Variants in ESPN observed in about 807,000 individuals in gnomAD.
The protein encoded by ESPN is espin.
ESPN carries 68 observed loss-of-function variants against 77.7 expected under a neutral mutation model. The observed-to-expected ratio is 0.87, with a 90% CI of 0.72 to 1.07. The LOEUF is 1.07. Ranked by LOEUF, ESPN falls within the 50% of genes least tolerant of loss-of-function variation. The probability of loss-of-function intolerance (pLI) is 0.00; values close to 1 mark genes in which losing one functional copy is unlikely to be tolerated. For synonymous variants in ESPN, 449 were observed against 567.1 expected (o/e 0.79, Z 2.96); for missense variants, 1,060 against 1,239.0 (o/e 0.86, Z 2.17).
Position 6,447,091 on chromosome 1 carries a change from C to G in ESPN, c.1464+1156C>G, listed in dbSNP as rs1315456046. 6.5e-6 allele frequency: 1 copy of G among 152,700 alleles called. No homozygotes were observed. The highest frequency in any genetic ancestry group is 1.5e-5 in the Non-Finnish European group (1 of 68,360). The allele number at this position is 152,700 out of a possible 1,614,324, so 9.5% of individuals were successfully genotyped here. A position where few individuals can be genotyped will look rare whatever the true frequency, so the allele number is the denominator to read the frequency against. On this transcript the variant is annotated intron_variant, in intron 7 of 12. Transcript: ENST00000645284. The surrounding 1 kb of genome is among the most constrained non-coding windows in gnomAD (Gnocchi z 5.2). ...GGCCCAGCCAGTGCCCCGTCTCCAC[C>G]GTTGAGCCCAAGTGCCAGGTCTGCG...
At chr1:6,458,055 C>CT (rs1644086980) in intron 12 of ESPN, among the ~76,000 whole-genome samples, 6 of 150,860 alleles carry the variant, frequency 4.0e-5, no homozygotes, top group Admixed American at 4.0e-4. Context: ...GGGTTTCACT[C>CT]TTGTCACCCA....
At position 6,460,139 on chromosome 1, in the gene ESPN, A is replaced by C; in HGVS notation, c.2558A>C (p.Lys853Thr). The C allele has an allele frequency of 6.2e-7, 1 of 1,611,890 alleles. No homozygotes were observed. The highest frequency in any genetic ancestry group is 8.5e-7 in the Non-Finnish European group (1 of 1,179,802). ...ATCCTGAAGAAGGGGGACATCGCTA[A>C]GTACTAGAGGCCGCAGACTCCTGTC... ...QVILKKGDIA[K>T]Y is the part of the protein sequence containing the mutation. Residue 853 changes from lysine to threonine, a missense_variant, in exon 13 of 13, where the codon AAG becomes ACG. Lys to Thr is a moderately conservative substitution (Grantham distance 78). Transcript: ENST00000645284.
At chr1:6,457,627 T>G (rs1644079873) in intron 12 of ESPN, among the ~76,000 whole-genome samples, 1 of 152,140 alleles carries the variant, frequency 6.6e-6, no homozygotes. Context: ...TCAATCACCT[T>G]GATTGTCTGG....
chr1:6,425,081 C>T lies in ESPN; in HGVS notation c.126C>T (p.His42=), dbSNP rs960110473. 3.4e-6 allele frequency: 5 copies of T among 1,488,222 alleles called. No homozygotes were observed. In the African/African-American group the frequency reaches 7.3e-5, roughly 22 times the overall value. 92.2% of individuals were successfully genotyped at this position (1,488,222 alleles called of 1,614,324 possible). A position where few individuals can be genotyped will look rare whatever the true frequency, so the allele number is the denominator to read the frequency against. ...RDPLDALPVH[H]AARAGKLHCL... ...CGCTGGACGCGCTGCCCGTGCACCA[C>T]GCGGCCCGCGCTGGGAAGCTGCACT... is the stretch of plus-strand genomic sequence containing the variant. Residue 42 remains histidine (H), a synonymous_variant, in exon 1 of 13, where the codon CAC becomes CAT. Coordinates refer to ENST00000645284, the MANE Select transcript of ESPN (RefSeq NM_031475.3).
At position 6,451,408 on chromosome 1, in the gene ESPN, CAG is replaced by C. The variant is rs1314757264; in HGVS notation, c.1916-194_1916-193del. On this transcript the variant is annotated intron_variant, in intron 8 of 12. Transcript: ENST00000645284. The surrounding 1 kb of genome is among the most constrained non-coding windows in gnomAD (Gnocchi z 4.3). The stretch of plus-strand genomic sequence containing the variant: ...GGGAAGATGGTGGGGTTGCCACAGT[CAG>C]GGAACCAAGGGCCCGCCTCTGGGGG... 38 of 706,058 alleles carry C rather than the reference CAG, an allele frequency of 5.4e-5. No homozygotes were observed. Among genetic ancestry groups the C allele is most frequent in the Non-Finnish European group, 9.1e-5 (38 of 418,340 alleles). The allele number at this position is 706,058 out of a possible 1,614,324, so 43.7% of individuals were successfully genotyped here. A position where few individuals can be genotyped will look rare whatever the true frequency, so the allele number is the denominator to read the frequency against.
chr1:6,453,016 C>T (rs965793090), intron 10 of ESPN, among the ~76,000 whole-genome samples: 1 of 152,204 alleles, frequency 6.6e-6, no homozygotes, highest in African/African-American at 2.4e-5. Flanking sequence ...CCTCAGCCTC[C>T]CGAGTAGCTG....
intron 8 of ESPN, among the ~76,000 whole-genome samples, chr1:6,449,792 G>A (rs1643914003): frequency 6.6e-6 from 1 of 152,130 alleles, no homozygotes; most frequent in Non-Finnish European, 1.5e-5. Flanking sequence ...TTTTCTGTAG[G>A]GTGGGACAGT....
chr1:6,428,387 C>T lies in ESPN; in HGVS notation c.456C>T (p.Pro152=), dbSNP rs746069189. 5.6e-6 allele frequency: 9 copies of T among 1,612,580 alleles called. No individual in the cohort carries two copies. Among genetic ancestry groups the T allele is most frequent in the East Asian group, 4.5e-5 (2 of 44,848 alleles). Residue 152 remains proline (P), a synonymous_variant, in exon 2 of 13, where the codon CCC becomes CCT. Coordinates refer to ENST00000645284, the MANE Select transcript of ESPN (RefSeq NM_031475.3). The surrounding 1 kb of genome is among the most constrained non-coding windows in gnomAD (Gnocchi z 5.4). ...ACGCTGCCGCCAAAGGAGACTTCCC[C>T]TCCCTGAGGCTTCTCGTCGAGCACT... ...IHYAAAKGDF[P]SLRLLVEHYP...
chr1:6,446,079 C>T (rs1643827131), intron 7 of ESPN, 144 bp downstream of exon 7: 8 of 813,590 alleles, frequency 9.8e-6, no homozygotes, highest in Non-Finnish European at 1.4e-5. Flanking sequence ...AAGCTCCTGG[C>T]GAGTCCCACA....
rs190245071 is a variant in ESPN at position 6,436,124 on chromosome 1, G to A, written c.489-4130G>A. ...GTCTGCGGGAGAAGGGCAGTGGTCT[G>A]TGCGGTGGGAGGGAGGGAGGCAGAG... On this transcript the variant is annotated intron_variant, in intron 2 of 12. Transcript: ENST00000645284. 4.7e-3 allele frequency among the ~76,000 whole-genome samples: 718 copies of A among 152,336 alleles called. 6 individuals carry two copies. The highest frequency in any genetic ancestry group is 0.017 in the African/African-American group (690 of 41,580).
rs1569753959 is a variant in ESPN at position 6,456,820 on chromosome 1, G to C, written c.2326-364G>C. 4 of 380,218 alleles carry C rather than the reference G, an allele frequency of 1.1e-5. No individual in the cohort carries two copies. The East Asian group carries it at 2.2e-4, about 21-fold the overall frequency. The allele number at this position is 380,218 out of a possible 1,614,324, so 23.6% of individuals were successfully genotyped here. A position where few individuals can be genotyped will look rare whatever the true frequency, so the allele number is the denominator to read the frequency against. ...GGCAGCCTGAGTCTCCCTGAGCCAA[G>C]AGGCTGGGTGGGGGCTGGCTGGCAT... On this transcript the variant is annotated intron_variant, in intron 10 of 12. Coordinates refer to ENST00000645284, the MANE Select transcript of ESPN (RefSeq NM_031475.3).
In ESPN at chr1:6,460,651, C is replaced by T. The variant is rs1398606609; in HGVS notation, c.*505C>T. On this transcript the variant is annotated 3_prime_UTR_variant, in exon 13 of 13. Coordinates refer to ENST00000645284, the MANE Select transcript of ESPN (RefSeq NM_031475.3). ...CCTAGCCCGGGCCTCATTTCTTATC[C>T]CCGCCAAGGGTTTCCTCTCAGTCAT... 1 of 165,104 alleles carries T rather than the reference C, an allele frequency of 6.1e-6. No homozygotes were observed. Among genetic ancestry groups the T allele is most frequent in the Admixed American group, 5.8e-5 (1 of 17,210 alleles). The allele number at this position is 165,104 out of a possible 1,614,324, so 10.2% of individuals were successfully genotyped here. A position where few individuals can be genotyped will look rare whatever the true frequency, so the allele number is the denominator to read the frequency against.
In ESPN at chr1:6,425,003, C is replaced by A. The variant is rs1387351672; in HGVS notation, c.48C>A (p.Asp16Glu). 2 of 1,465,316 alleles carry A rather than the reference C, an allele frequency of 1.4e-6. No homozygotes were observed. Among genetic ancestry groups the A allele is most frequent in the Admixed American group, 2.4e-5 (1 of 41,258 alleles). The allele number at this position is 1,465,316 out of a possible 1,614,324, so 90.8% of individuals were successfully genotyped here. The change falls in exon 1 of 13, where the codon GAC (aspartate) becomes GAA (glutamate). Residue 16 changes from aspartate (D) to glutamate (E), a missense_variant. Physicochemically the swap from Asp to Glu is conservative, Grantham distance 45 (BLOSUM62 2). This residue lies in a region of ESPN where 556 missense variants were observed against 633.6 expected (regional missense o/e 0.88). Transcript: ENST00000645284. Reference sequence around the variant, plus strand: ...AGGCGGCGCGGCAGGGCGAGCTGGACGTGCTGAGGTCGCTGCACGCCGCAG... The same window carrying A: ...AGGCGGCGCGGCAGGGCGAGCTGGAAGTGCTGAGGTCGCTGCACGCCGCAG... ...ALQAARQGEL[D>E]VLRSLHAAGL...
chr1:6,457,291 C>T lies in ESPN; in HGVS notation c.2405+28C>T, dbSNP rs984936457. 1.2e-5 allele frequency: 20 copies of T among 1,613,788 alleles called. No individual in the cohort carries two copies. In the Admixed American group the frequency reaches 1.5e-4, roughly 12 times the overall value. Reference sequence around the variant, plus strand: ...GAGCTGGGGGTCAGGCAGAGGCTGGCCTGGCAGGGTGTCTTGACTGCGTCC... The same window carrying T: ...GAGCTGGGGGTCAGGCAGAGGCTGGTCTGGCAGGGTGTCTTGACTGCGTCC... On this transcript the variant is annotated intron_variant, in intron 11 of 12. Coordinates refer to ENST00000645284, the MANE Select transcript of ESPN (RefSeq NM_031475.3).
rs1363130262 is a variant in ESPN, at chr1:6,451,062, G to A, written c.1916-541G>A. Among the ~76,000 whole-genome samples the A allele has an allele frequency of 1.3e-5, 2 of 152,212 alleles. No individual in the cohort carries two copies. Among genetic ancestry groups the A allele is most frequent in the Non-Finnish European group, 2.9e-5 (2 of 68,042 alleles). The stretch of plus-strand genomic sequence containing the variant: ...CGGCTTGCAACCAATGTGTCTGCTT[G>A]TGCATCTGTCTGTGGGTGTGGTGGG... On this transcript the variant is annotated intron_variant, in intron 8 of 12. Coordinates refer to ENST00000645284, the MANE Select transcript of ESPN (RefSeq NM_031475.3). The surrounding 1 kb of genome is among the most constrained non-coding windows in gnomAD (Gnocchi z 4.3).
At position 6,449,022 on chromosome 1, in the gene ESPN, G is replaced by A; in HGVS notation, c.1846G>A (p.Ala616Thr). The change falls in exon 8 of 13, where the codon GCC (alanine) becomes ACC (threonine). Residue 616 changes from alanine (A) to threonine (T), a missense_variant. This residue lies in a region of ESPN where 374 missense variants were observed against 381.4 expected (regional missense o/e 0.98). Coordinates refer to ENST00000645284, the MANE Select transcript of ESPN (RefSeq NM_031475.3). ...LPEAASSPPP[A>T]PPLPLESAGP... is the part of the protein sequence containing the mutation. ...GGAGGCCGCGAGTTCGCCACCGCCG[G>A]CCCCGCCTCTGCCCCTCGAGAGCGC... The A allele has an allele frequency of 6.8e-7, 1 of 1,465,418 alleles. No individual in the cohort carries two copies. Among genetic ancestry groups the A allele is most frequent in the Non-Finnish European group, 9.0e-7 (1 of 1,115,284 alleles). 90.8% of individuals were successfully genotyped at this position (1,465,418 alleles called of 1,614,324 possible). A position where few individuals can be genotyped will look rare whatever the true frequency, so the allele number is the denominator to read the frequency against.
chr1:6,449,980 A>G (rs189175287), intron 8 of ESPN, among the ~76,000 whole-genome samples: 136 of 152,240 alleles, frequency 8.9e-4, no homozygotes, highest in Non-Finnish European at 1.6e-3. Flanking sequence ...TAGTCCCCCT[A>G]CGGTTCCTAT....
rs1392789454 is a variant in ESPN at position 6,445,854 on chromosome 1, T to C, written c.1383T>C (p.Pro461=). 5.0e-6 allele frequency: 8 copies of C among 1,593,624 alleles called. No homozygotes were observed. Among genetic ancestry groups the C allele is most frequent in the East Asian group, 2.3e-5 (1 of 44,142 alleles). The change falls in exon 7 of 13, where the codon CCT becomes CCC. Residue 461 remains proline (P), a synonymous_variant. Coordinates refer to ENST00000645284, the MANE Select transcript of ESPN (RefSeq NM_031475.3). ...PPPGYPAPKP[P]VGPQAADIYM... ...CTGGCTACCCAGCTCCCAAGCCTCC[T>C]GTAGGACCACAGGCAGCTGACATCT...
chr1:6,439,578 GGGA>G (rs967769926), intron 2 of ESPN, among the ~76,000 whole-genome samples: 2 of 152,314 alleles, frequency 1.3e-5, no homozygotes, highest in South Asian at 4.1e-4. Context: ...GTCTTCAAGA[GGGA>G]GGAGAAGGAC....
Sources: gnomAD v4.1 joint callset for allele counts (sites outside exome capture counted in the v4.1 genomes callset) on GRCh38, gnomAD v4.1.1 for gene constraint, gnomAD v4.1.1 regional missense constraint, Gnocchi (gnomAD v3.1) non-coding constraint, MANE v1.5 for transcripts, NCBI Gene and HGNC (gene_info 2026-07-23, HGNC 2026-07-21) for gene names.